The following NOS1AP variants were observed in gnomAD, a reference collection of about 807,000 sequenced individuals.
NOS1AP encodes nitric oxide synthase 1 adaptor protein.
Under a neutral mutation model 56.2 loss-of-function variants are expected in NOS1AP, and 21 were observed. That is an observed-to-expected ratio of 0.37 (90% CI 0.26 to 0.54). NOS1AP has a LOEUF of 0.54. Ranked by LOEUF, NOS1AP falls within the 20% of genes least tolerant of loss-of-function variation. NOS1AP has a pLI of 0.84. For missense variants in NOS1AP, 522 were observed against 657.8 expected (o/e 0.79, Z 2.26); for synonymous variants, 270 against 274.6 (o/e 0.98, Z 0.17).
intron 8 of NOS1AP, 171 bp from the exon 9 acceptor site, chr1:162,365,233 C>T (rs1658038876): frequency 6.8e-7 from 1 of 1,465,700 alleles, no homozygotes; most frequent in Non-Finnish European, 9.0e-7. Context: ...CCTTTTGGCT[C>T]CTCCTCTGGA....
At chr1:162,196,506 A>G (rs1427134198) in intron 2 of NOS1AP, among the ~76,000 whole-genome samples, 1 of 152,202 alleles carries the variant, frequency 6.6e-6, no homozygotes, top group East Asian at 1.9e-4. Flanking sequence ...GTTGGGAAGG[A>G]TGCACACAAA....
At chr1:162,280,336 C>A (rs1654878263) in intron 2 of NOS1AP, among the ~76,000 whole-genome samples, 1 of 152,118 alleles carries the variant, frequency 6.6e-6, no homozygotes, top group South Asian at 2.1e-4. Context: ...TATCTTGTTA[C>A]AAGAATAGCT....
intron 2 of NOS1AP, among the ~76,000 whole-genome samples, chr1:162,180,752 G>A (rs74125964): frequency 6.6e-6 from 1 of 152,122 alleles, no homozygotes; most frequent in Non-Finnish European, 1.5e-5. Flanking sequence ...GATGACCCAT[G>A]AGCTTCAGAA....
intron 2 of NOS1AP, among the ~76,000 whole-genome samples, chr1:162,211,126 C>G (rs748670368): frequency 3.7e-4 from 57 of 152,228 alleles, no homozygotes; most frequent in Middle Eastern, 3.2e-3. Flanking sequence ...GTGAATGGTA[C>G]TTGAGACTGG....
intron 2 of NOS1AP, among the ~76,000 whole-genome samples, chr1:162,264,402 C>CCT (rs1654334030): frequency 6.7e-5 from 3 of 44,876 alleles, no homozygotes; most frequent in African/African-American, 2.4e-4. Flanking sequence ...TTTGCCCTCT[C>CCT]CTCTTCTCTT....
rs76991892 is a variant in NOS1AP at position 162,071,870 on chromosome 1, A to G, written c.105+1588A>G. ...TGGTTCAGCAGTACCCTATTTTACAAGTAAGAGGGTAAGAAGGGAGATAAG... is the reference window on the plus strand; with the variant it reads ...TGGTTCAGCAGTACCCTATTTTACAGGTAAGAGGGTAAGAAGGGAGATAAG... On this transcript the variant is annotated intron_variant, in intron 1 of 9. Transcript: ENST00000361897. Among the ~76,000 whole-genome samples the G allele has an allele frequency of 9.3e-4, 142 of 152,324 alleles. 1 individual carries two copies. The East Asian group carries it at 0.026, about 28-fold the overall frequency.
chr1:162,131,966 G>C (rs1316645240), intron 1 of NOS1AP, among the ~76,000 whole-genome samples: 1 of 152,200 alleles, frequency 6.6e-6, no homozygotes, highest in African/African-American at 2.4e-5. Flanking sequence ...ATTGTCACCA[G>C]GATCAAATGA....
At chr1:162,225,476 G>C (rs993169857) in intron 2 of NOS1AP, among the ~76,000 whole-genome samples, 6 of 152,162 alleles carry the variant, frequency 3.9e-5, no homozygotes, top group Non-Finnish European at 7.3e-5. Context: ...AGTGCACAGT[G>C]CCTCTTCTTC....
At chr1:162,332,200 C>T (rs1034722703) in intron 4 of NOS1AP, among the ~76,000 whole-genome samples, 8 of 152,138 alleles carry the variant, frequency 5.3e-5, no homozygotes, top group African/African-American at 1.9e-4. Flanking sequence ...CACTTCCTGC[C>T]ATGGTTTGGC....
At chr1:162,160,843 C>T (rs1255775587) in intron 2 of NOS1AP, among the ~76,000 whole-genome samples, 2 of 152,150 alleles carry the variant, frequency 1.3e-5, no homozygotes, top group Admixed American at 6.5e-5. Context: ...ACAAACTTAG[C>T]GGCTTAACAC....
chr1:162,206,474 C>T (rs1652169601), intron 2 of NOS1AP, among the ~76,000 whole-genome samples: 1 of 152,148 alleles, frequency 6.6e-6, no homozygotes, highest in Admixed American at 6.5e-5. Context: ...CTCTGGCTGC[C>T]TTGGCAGAGT....
chr1:162,177,396 C>T (rs752054846), intron 2 of NOS1AP, among the ~76,000 whole-genome samples: 30 of 152,224 alleles, frequency 2.0e-4, no homozygotes, highest in South Asian at 1.0e-3. Flanking sequence ...GGCCGGCCCA[C>T]GCATGGCCCT....
At chr1:162,336,418 T>G (rs1223226604) in intron 5 of NOS1AP, among the ~76,000 whole-genome samples, 1 of 152,228 alleles carries the variant, frequency 6.6e-6, no homozygotes, top group African/African-American at 2.4e-5. Context: ...GGAAGTTATA[T>G]AACTCAGAAG....
At chr1:162,353,489 T>C (rs988870810) in intron 6 of NOS1AP, among the ~76,000 whole-genome samples, 2 of 152,200 alleles carry the variant, frequency 1.3e-5, no homozygotes, top group African/African-American at 4.8e-5. Context: ...GGATGGGAAG[T>C]AGATAAGCAG....
intron 2 of NOS1AP, among the ~76,000 whole-genome samples, chr1:162,175,811 A>G (rs955753821): frequency 2.6e-5 from 4 of 152,336 alleles, no homozygotes; most frequent in East Asian, 1.9e-4. Flanking sequence ...TCCATATTAC[A>G]TAAATCATTC....
intron 2 of NOS1AP, among the ~76,000 whole-genome samples, chr1:162,281,535 G>A (rs1654927544): frequency 6.6e-6 from 1 of 152,198 alleles, no homozygotes; most frequent in Non-Finnish European, 1.5e-5. Flanking sequence ...GGAGGATATG[G>A]GAAGCGGGAG....
At chr1:162,276,140 C>T (rs1018304802) in intron 2 of NOS1AP, among the ~76,000 whole-genome samples, 1 of 152,094 alleles carries the variant, frequency 6.6e-6, no homozygotes, top group Non-Finnish European at 1.5e-5. Context: ...ATTTACTGAC[C>T]CTCGGAGTCA....
At chr1:162,318,698 C>T (rs1014852612) in intron 4 of NOS1AP, among the ~76,000 whole-genome samples, 1 of 151,970 alleles carries the variant, frequency 6.6e-6, no homozygotes, top group Non-Finnish European at 1.5e-5. Flanking sequence ...TGGCTTCAAC[C>T]ACCCTCTAAA....
At chr1:162,145,698 C>A (rs1649433988) in intron 1 of NOS1AP, among the ~76,000 whole-genome samples, 1 of 152,168 alleles carries the variant, frequency 6.6e-6, no homozygotes, top group African/African-American at 2.4e-5. Flanking sequence ...TTTCTGGAAG[C>A]TATCAGTACA....
Sources: gnomAD v4.1 joint callset for allele counts (sites outside exome capture counted in the v4.1 genomes callset) on GRCh38, gnomAD v4.1.1 for gene constraint, MANE v1.5 for transcripts, NCBI Gene and HGNC (gene_info 2026-07-23, HGNC 2026-07-21) for gene names.